Variants in PTPRK observed in about 807,000 individuals in gnomAD.
The protein encoded by PTPRK is protein tyrosine phosphatase receptor type K.
In PTPRK, 75 loss-of-function variants were observed where a neutral mutation model predicts 178.0. That is an observed-to-expected ratio of 0.42 (90% CI 0.35 to 0.51). PTPRK has a LOEUF of 0.51. PTPRK is among the 20% of genes least tolerant of loss of function. PTPRK has a pLI of 0.02. For synonymous variants in PTPRK, 637 were observed against 620.6 expected (o/e 1.03, Z -0.39); for missense variants, 1,441 against 1,797.8 (o/e 0.80, Z 3.59).
At chr6:128,438,716 G>T (rs1167725993) in intron 1 of PTPRK, among the ~76,000 whole-genome samples, 2 of 152,198 alleles carry the variant, frequency 1.3e-5, no homozygotes, top group Admixed American at 6.5e-5. Flanking sequence ...AGACAAAGGA[G>T]TTCAGGCTGC....
chr6:128,000,683 C>T (rs1202588056), intron 15 of PTPRK, among the ~76,000 whole-genome samples: 1 of 151,958 alleles, frequency 6.6e-6, no homozygotes, highest in Non-Finnish European at 1.5e-5. Flanking sequence ...ATACATCTCC[C>T]CAGAAAAATT....
intron 5 of PTPRK, among the ~76,000 whole-genome samples, chr6:128,226,057 A>T (rs2128276360): frequency 6.6e-6 from 1 of 152,294 alleles, no homozygotes; most frequent in East Asian, 1.9e-4. Context: ...AGAAAAGGTG[A>T]CCAATAAGAG....
In PTPRK at chr6:128,287,132, C is replaced by T. The variant is rs113740216; in HGVS notation, c.495+34907G>A. Among the ~76,000 whole-genome samples the T allele has an allele frequency of 5.9e-3, 899 of 152,168 alleles. 11 individuals are homozygous for T. The highest frequency in any genetic ancestry group is 0.021 in the African/African-American group (859 of 41,502). On this transcript the variant is annotated intron_variant, in intron 3 of 29. Coordinates refer to ENST00000368226, the MANE Select transcript of PTPRK (RefSeq NM_002844.4). ...TACAATGTCTCACTGCCTCAGCTTC[C>T]CCAGCTCTGATCTCAGTCTCCTCCC...
intron 1 of PTPRK, among the ~76,000 whole-genome samples, chr6:128,485,378 G>A (rs773591549): frequency 6.6e-6 from 1 of 152,026 alleles, no homozygotes; most frequent in Non-Finnish European, 1.5e-5. Flanking sequence ...AAATCTCCTG[G>A]CATCTCATGC....
At chr6:128,396,766 G>A (rs1214594061) in intron 2 of PTPRK, among the ~76,000 whole-genome samples, 6 of 152,108 alleles carry the variant, frequency 3.9e-5, no homozygotes, top group South Asian at 2.1e-4. Flanking sequence ...TTGGGAGGCC[G>A]AGGCGGGCGG....
intron 3 of PTPRK, among the ~76,000 whole-genome samples, chr6:128,262,958 C>G (rs577837885): frequency 4.6e-5 from 7 of 151,504 alleles, no homozygotes; most frequent in African/African-American, 1.2e-4. Flanking sequence ...GGCAGACCCA[C>G]GTCTACCATA....
intron 1 of PTPRK, among the ~76,000 whole-genome samples, chr6:128,480,924 T>C (rs938957480): frequency 6.6e-6 from 1 of 152,168 alleles, no homozygotes; most frequent in African/African-American, 2.4e-5. Flanking sequence ...CCAAATTCAC[T>C]TCTCTTTACC....
chr6:128,354,231 GTTTTTTTTTTTT>G (rs756148554), intron 2 of PTPRK, among the ~76,000 whole-genome samples: 12 of 49,358 alleles, frequency 2.4e-4, no homozygotes, highest in African/African-American at 1.1e-3. Context: ...TTTTGTTTAT[GTTTTTTTTTTTT>G]TTTTTTTTTT....
intron 1 of PTPRK, among the ~76,000 whole-genome samples, chr6:128,452,781 G>A (rs907880121): frequency 6.6e-6 from 1 of 152,120 alleles, no homozygotes; most frequent in Non-Finnish European, 1.5e-5. Flanking sequence ...TATAAAACTT[G>A]TGTTGTTATT....
chr6:128,154,381 C>T (rs1395377463), intron 7 of PTPRK, among the ~76,000 whole-genome samples: 2 of 151,596 alleles, frequency 1.3e-5, no homozygotes, highest in Admixed American at 1.3e-4. Context: ...CCATTAGTAT[C>T]TGTAAAAAAA....
chr6:128,297,502 G>T (rs1246434152), intron 3 of PTPRK, among the ~76,000 whole-genome samples: 3 of 152,086 alleles, frequency 2.0e-5, no homozygotes, highest in Admixed American at 2.0e-4. Context: ...AAATGTAAAA[G>T]ATCAGAAATT....
intron 7 of PTPRK, among the ~76,000 whole-genome samples, chr6:128,182,565 C>T (rs1012079046): frequency 1.3e-5 from 2 of 152,036 alleles, no homozygotes; most frequent in Non-Finnish European, 1.5e-5. Flanking sequence ...TAGAGCAAGA[C>T]AAAAAAGCAG....
chr6:128,515,934 C>CA (rs1857941638), intron 1 of PTPRK, among the ~76,000 whole-genome samples: 1 of 148,496 alleles, frequency 6.7e-6, no homozygotes. Flanking sequence ...GTAGCCAACA[C>CA]ACTTTTTCTA....
chr6:128,319,837 C>T (rs781003739), intron 3 of PTPRK, among the ~76,000 whole-genome samples: 1 of 152,092 alleles, frequency 6.6e-6, no homozygotes, highest in Non-Finnish European at 1.5e-5. Flanking sequence ...CACAAATGTA[C>T]AGGTACAACT....
intron 29 of PTPRK, among the ~76,000 whole-genome samples, chr6:127,971,791 A>G (rs1773929276): frequency 1.3e-5 from 2 of 152,194 alleles, no homozygotes; most frequent in African/African-American, 4.8e-5. Context: ...GAAGTCAGAA[A>G]TGATCCCACT....
intron 1 of PTPRK, among the ~76,000 whole-genome samples, chr6:128,518,522 G>A (rs1018395878): frequency 2.6e-5 from 4 of 152,188 alleles, no homozygotes; most frequent in African/African-American, 9.6e-5. Flanking sequence ...GCAACTGGTA[G>A]AGTTCAAACT....
intron 1 of PTPRK, among the ~76,000 whole-genome samples, chr6:128,443,457 G>A (rs1268469543): frequency 2.0e-5 from 3 of 152,118 alleles, no homozygotes; most frequent in African/African-American, 7.2e-5. Flanking sequence ...GAAAAGAAAA[G>A]TAAAATTATC....
intron 2 of PTPRK, among the ~76,000 whole-genome samples, chr6:128,331,671 A>G (rs1178183151): frequency 6.6e-6 from 1 of 152,144 alleles, no homozygotes; most frequent in Non-Finnish European, 1.5e-5. Flanking sequence ...AATGAGGTCT[A>G]TCCCCTACAT....
intron 8 of PTPRK, among the ~76,000 whole-genome samples, chr6:128,086,330 G>A (rs1013802287): frequency 2.0e-5 from 3 of 151,978 alleles, no homozygotes; most frequent in Non-Finnish European, 4.4e-5. Flanking sequence ...CCCAAACCAG[G>A]CTTTTCTGCT....
Sources: allele counts gnomAD v4.1 joint callset (sites outside exome capture counted in the v4.1 genomes callset), GRCh38; gene constraint gnomAD v4.1.1; transcripts MANE v1.5; gene names NCBI Gene and HGNC (gene_info 2026-07-23, HGNC 2026-07-21).